NCOA6: variants seen among roughly 807,000 people sequenced by gnomAD.
NCOA6 encodes the protein nuclear receptor coactivator 6, also known as NRC RAP250.
NCOA6 carries 49 observed loss-of-function variants against 171.4 expected under a neutral mutation model. The observed-to-expected ratio is 0.29, with a 90% CI of 0.23 to 0.36. The LOEUF is 0.36. Ranked by LOEUF, NCOA6 falls within the 10% of genes least tolerant of loss-of-function variation. The pLI, the probability that NCOA6 is intolerant of heterozygous loss-of-function variation, is 1.00. For synonymous variants in NCOA6, 910 were observed against 927.5 expected (o/e 0.98, Z 0.34); for missense variants, 2,248 against 2,554.5 (o/e 0.88, Z 2.59).
At chr20:34,715,634 C>A (rs1358490788) in intron 14 of NCOA6, among the ~76,000 whole-genome samples, 3 of 152,190 alleles carry the variant, frequency 2.0e-5, no homozygotes, top group African/African-American at 7.2e-5. Context: ...TGGAGAGAGC[C>A]TTTGTAGCTG....
At chr20:34,796,663 T>A (rs900016522) in intron 1 of NCOA6, among the ~76,000 whole-genome samples, 2 of 151,756 alleles carry the variant, frequency 1.3e-5, no homozygotes, top group Non-Finnish European at 2.9e-5. Context: ...AAAAAATAAA[T>A]AAAAAATTGA....
At chr20:34,772,559 C>G (rs1043582004) in intron 4 of NCOA6, among the ~76,000 whole-genome samples, 3 of 151,402 alleles carry the variant, frequency 2.0e-5, no homozygotes, top group Non-Finnish European at 2.9e-5. Flanking sequence ...AAACTGAAAA[C>G]CTGTGAGACT....
At chr20:34,799,162 AT>A (rs573127292) in intron 1 of NCOA6, among the ~76,000 whole-genome samples, 144 of 152,332 alleles carry the variant, frequency 9.5e-4, no homozygotes, top group African/African-American at 3.3e-3. Flanking sequence ...AATTAAAAAA[AT>A]CAAGCAGAAA....
At chr20:34,808,563 C>T (rs1285396482) in intron 1 of NCOA6, among the ~76,000 whole-genome samples, 6 of 151,772 alleles carry the variant, frequency 4.0e-5, no homozygotes, top group African/African-American at 1.2e-4. Context: ...CTCAGCCTCC[C>T]GAGTATCTGG....
intron 9 of NCOA6, among the ~76,000 whole-genome samples, chr20:34,748,901 A>G (rs2076386059): frequency 2.0e-5 from 3 of 152,208 alleles, no homozygotes; most frequent in African/African-American, 4.8e-5. Context: ...TCATAAGCCT[A>G]AAGTCAGTGC....
At position 34,750,370 on chromosome 20, in the gene NCOA6, T is replaced by C. The variant is rs2076434060; in HGVS notation, c.1825A>G (p.Met609Val). The change falls in exon 9 of 15, where the codon ATG becomes GTG. Residue 609 changes from methionine (M) to valine (V), a missense_variant. Met to Val is a conservative substitution (Grantham distance 21). Coordinates refer to ENST00000359003, the MANE Select transcript of NCOA6 (RefSeq NM_014071.5). The stretch of plus-strand genomic sequence containing the variant: ...GGGCCCTGCTGGGGCTGGCCTTGCA[T>C]GTTGCTGAGGTTCACTTGAGGAACC... ...SGVPQVNLSNMQGQPQQGPPS... is the reference protein window; with the variant it reads ...SGVPQVNLSNVQGQPQQGPPS... The C allele has an allele frequency of 1.2e-6, 2 of 1,614,122 alleles. No homozygotes were observed. The highest frequency in any genetic ancestry group is 1.7e-6 in the Non-Finnish European group (2 of 1,180,022).
intron 6 of NCOA6, among the ~76,000 whole-genome samples, chr20:34,758,391 C>T (rs2076716309): frequency 6.6e-6 from 1 of 152,096 alleles, no homozygotes; most frequent in African/African-American, 2.4e-5. Context: ...TATAAGAAAA[C>T]AAAACAATTA....
chr20:34,763,753 A>G (rs2076886748), intron 5 of NCOA6, among the ~76,000 whole-genome samples: 1 of 152,174 alleles, frequency 6.6e-6, no homozygotes, highest in Non-Finnish European at 1.5e-5. Flanking sequence ...CACAACACCC[A>G]TTCTCCCACC....
chr20:34,752,753 A>AC (rs1600857712), intron 8 of NCOA6, among the ~76,000 whole-genome samples: 1 of 151,788 alleles, frequency 6.6e-6, no homozygotes, highest in African/African-American at 2.4e-5. Flanking sequence ...ACATGGTGAC[A>AC]CCCCATCTCT....
intron 1 of NCOA6, chr20:34,821,576 C>A (rs1264142164): frequency 6.6e-6 from 1 of 151,708 alleles, no homozygotes; most frequent in Non-Finnish European, 1.5e-5. Context: ...ATTCTCCCCT[C>A]ATTTTCCTTT....
chr20:34,807,056 G>A lies in NCOA6; in HGVS notation c.-163-14493C>T, dbSNP rs541269339. 5.4e-4 allele frequency among the ~76,000 whole-genome samples: 82 copies of A among 152,074 alleles called. 1 individual carries two copies. The highest frequency in any genetic ancestry group is 1.2e-3 in the Non-Finnish European group (81 of 68,018). On this transcript the variant is annotated intron_variant, in intron 1 of 14. Transcript: ENST00000359003. The stretch of plus-strand genomic sequence containing the variant: ...GCCTGGTGATTTGCTTCTAACTAAC[G>A]GACTATGGAAAATGTGATAGGATGC...
chr20:34,758,387 A>G (rs1247058459), intron 6 of NCOA6, among the ~76,000 whole-genome samples: 1 of 152,238 alleles, frequency 6.6e-6, no homozygotes, highest in Non-Finnish European at 1.5e-5. Context: ...GCATTATAAG[A>G]AAACAAAACA....
chr20:34,746,600 A>G (rs532679612), intron 10 of NCOA6, among the ~76,000 whole-genome samples: 2 of 152,266 alleles, frequency 1.3e-5, no homozygotes, highest in South Asian at 2.1e-4. Flanking sequence ...TTTGAATAGA[A>G]TGTGTGTGTG....
chr20:34,736,856 T>C (rs892053656), intron 11 of NCOA6, 98 bp from the exon 12 acceptor site: 43 of 1,071,884 alleles, frequency 4.0e-5, no homozygotes, highest in Non-Finnish European at 5.3e-5. Context: ...GCTGAAACAA[T>C]GTACTCTTAG....
chr20:34,820,217 AC>A (rs995529572), intron 1 of NCOA6: 3 of 152,022 alleles, frequency 2.0e-5, no homozygotes, highest in African/African-American at 7.3e-5. Context: ...CCCCGCCTCT[AC>A]AAAAAATGCA....
In NCOA6 at chr20:34,743,290, T is replaced by G; in HGVS notation, c.2966A>C (p.Gln989Pro). The G allele has an allele frequency of 6.2e-7, 1 of 1,613,478 alleles. No homozygotes were observed. Among genetic ancestry groups the G allele is most frequent in the Non-Finnish European group, 8.5e-7 (1 of 1,179,644 alleles). Residue 989 changes from glutamine (Q) to proline (P), a missense_variant, in exon 11 of 15, where the codon CAA becomes CCA. Transcript: ENST00000359003. ...EQRPLQQMPP[Q>P]LMQHVAPPPQ... ...TGGGGGTGCCACATGCTGCATGAGT[T>G]GAGGAGGCATCTGCTGAAGTGGCCT...
chr20:34,734,380 G>T (rs1485510009), intron 12 of NCOA6, among the ~76,000 whole-genome samples: 1 of 151,438 alleles, frequency 6.6e-6, no homozygotes, highest in African/African-American at 2.4e-5. Context: ...TATTTTTTGG[G>T]GGATGGTCTC....
At chr20:34,765,872 T>C (rs1177401252) in intron 5 of NCOA6, among the ~76,000 whole-genome samples, 1 of 152,174 alleles carries the variant, frequency 6.6e-6, no homozygotes, top group Non-Finnish European at 1.5e-5. Context: ...AAACAGGCTA[T>C]GGATTTAGTT....
At chr20:34,783,001 G>T (rs949658806) in intron 2 of NCOA6, among the ~76,000 whole-genome samples, 2 of 152,190 alleles carry the variant, frequency 1.3e-5, no homozygotes, top group Admixed American at 1.3e-4. Context: ...ATATGAAAGG[G>T]CTGGGCGCAG....
Sources: allele counts gnomAD v4.1 joint callset (sites outside exome capture counted in the v4.1 genomes callset), GRCh38; gene constraint gnomAD v4.1.1; transcripts MANE v1.5; gene names NCBI Gene and HGNC (gene_info 2026-07-23, HGNC 2026-07-21).